KLHDC1: variants seen among roughly 807,000 people sequenced by gnomAD.
KLHDC1 encodes the protein kelch domain containing 1.
Under a neutral mutation model 68.3 loss-of-function variants are expected in KLHDC1, and 53 were observed. The observed-to-expected ratio is 0.78, with a 90% CI of 0.62 to 0.98. KLHDC1 has a LOEUF of 0.98. Among genes scored for constraint, KLHDC1 ranks in the 50% least tolerant of loss-of-function variants. KLHDC1 has a pLI of 0.00. For synonymous variants in KLHDC1, 148 were observed against 159.0 expected, an observed-to-expected ratio of 0.93 and a Z score of 0.52; for missense variants, 470 against 492.3, an observed-to-expected ratio of 0.95 and a Z score of 0.43.
rs763978890 is a variant in KLHDC1 at position 49,734,608 on chromosome 14, T to C, written c.843T>C (p.Asn281=). 5 of 1,595,404 alleles carry C rather than the reference T, an allele frequency of 3.1e-6. No individual in the cohort carries two copies. The highest frequency in any genetic ancestry group is 4.5e-5 in the East Asian group (2 of 44,114). The change falls in exon 10 of 13, where the codon AAT becomes AAC. Residue 281 remains asparagine, a synonymous_variant. Coordinates refer to ENST00000359332, the MANE Select transcript of KLHDC1 (RefSeq NM_172193.3). ...NIPLSDGWIH[N]VTTNCWKQLT... ...TTGCAGGTGATGGTTGGATTCATAA[T>C]GTCACAACAAATTGTTGGAAACAAC...
chr14:49,719,021 A>G (rs1036865288), intron 4 of KLHDC1, among the ~76,000 whole-genome samples: 4 of 151,596 alleles, frequency 2.6e-5, no homozygotes, highest in Non-Finnish European at 5.9e-5. Context: ...TCAAGTGATC[A>G]GCCTGCCTTG....
rs756419684 is a variant in KLHDC1 at position 49,729,042 on chromosome 14, G to T, written c.651+33G>T. On this transcript the variant is annotated intron_variant, in intron 7 of 12. Transcript: ENST00000359332. ...TTTTTAATGGAAATGGTATTTTTATGTGCAATGCTCCTTATAAAAATTTAT... is the reference window on the plus strand; with the variant it reads ...TTTTTAATGGAAATGGTATTTTTATTTGCAATGCTCCTTATAAAAATTTAT... 5.1e-6 allele frequency: 7 copies of T among 1,360,946 alleles called. No homozygotes were observed. The Admixed American group carries it at 8.5e-5, about 17-fold the overall frequency. 84.3% of individuals were successfully genotyped at this position (1,360,946 alleles called of 1,614,324 possible). A position where few individuals can be genotyped will look rare whatever the true frequency, so the allele number is the denominator to read the frequency against.
intron 2 of KLHDC1, among the ~76,000 whole-genome samples, 180 bp from the exon 3 acceptor site, chr14:49,709,529 A>G (rs1460550424): frequency 1.3e-5 from 2 of 149,332 alleles, no homozygotes; most frequent in Non-Finnish European, 3.0e-5. Flanking sequence ...TTTTTTTCCT[A>G]GCAGATTGAA....
At chr14:49,693,876 C>T (rs540515267) in intron 1 of KLHDC1, among the ~76,000 whole-genome samples, 1 of 151,102 alleles carries the variant, frequency 6.6e-6, no homozygotes, top group Non-Finnish European at 1.5e-5. Context: ...GCCTCAGCCT[C>T]CCTAGTAGCT....
Position 49,751,840 on chromosome 14 carries a change from A to G in KLHDC1, c.*68A>G, listed in dbSNP as rs1889328101. ...ATCAGACTATACATTTACACTCCCAAATTGCAGGCTTTATTTAAAGGATAA... is the reference window on the plus strand; with the variant it reads ...ATCAGACTATACATTTACACTCCCAGATTGCAGGCTTTATTTAAAGGATAA... On this transcript the variant is annotated 3_prime_UTR_variant, in exon 13 of 13. Transcript: ENST00000359332. The G allele has an allele frequency of 1.4e-6, 1 of 694,168 alleles. No individual in the cohort carries two copies. The highest frequency in any genetic ancestry group is 2.2e-6 in the Non-Finnish European group (1 of 462,640). 43.0% of individuals were successfully genotyped at this position (694,168 alleles called of 1,614,324 possible).
intron 5 of KLHDC1, among the ~76,000 whole-genome samples, chr14:49,724,869 T>C (rs1417827177): frequency 1.3e-5 from 2 of 150,632 alleles, no homozygotes. Context: ...GAGCTGGGTG[T>C]GGTGGCACAT....
chr14:49,741,466 C>T (rs1434973309), intron 11 of KLHDC1, among the ~76,000 whole-genome samples: 4 of 151,718 alleles, frequency 2.6e-5, no homozygotes, highest in African/African-American at 7.3e-5. Context: ...CCACAACGCC[C>T]GGCTAATTTT....
intron 10 of KLHDC1, among the ~76,000 whole-genome samples, chr14:49,735,280 G>A (rs4243561): frequency 0.91 from 138,340 of 151,924 alleles, 64,385 homozygotes; most frequent in East Asian, 1. Context: ...ATTGAATAGT[G>A]TAATAATATC....
intron 1 of KLHDC1, among the ~76,000 whole-genome samples, chr14:49,695,401 T>C (rs1315889315): frequency 6.7e-6 from 1 of 149,004 alleles, no homozygotes; most frequent in Non-Finnish European, 1.5e-5. Flanking sequence ...AAGATAAATC[T>C]TGTAGATCTC....
intron 4 of KLHDC1, among the ~76,000 whole-genome samples, chr14:49,713,829 TATATA>T (rs1888286035): frequency 0.01 from 100 of 9,964 alleles, 22 homozygotes; most frequent in Middle Eastern, 0.025. Flanking sequence ...TATATATATA[TATATA>T]TATATATATA....
At chr14:49,705,365 C>CTTT (rs59444333) in intron 1 of KLHDC1, among the ~76,000 whole-genome samples, 13 of 71,672 alleles carry the variant, frequency 1.8e-4, no homozygotes, top group African/African-American at 4.4e-4. Flanking sequence ...TTCTTTCTTT[C>CTTT]TTTTTTTTTT....
At chr14:49,701,197 A>G (rs1887896248) in intron 1 of KLHDC1, among the ~76,000 whole-genome samples, 1 of 152,218 alleles carries the variant, frequency 6.6e-6, no homozygotes. Flanking sequence ...ATGATCACTT[A>G]TGCAATAAAT....
At chr14:49,739,127 G>A (rs1039753118) in intron 10 of KLHDC1, among the ~76,000 whole-genome samples, 17 of 152,178 alleles carry the variant, frequency 1.1e-4, no homozygotes, top group African/African-American at 3.9e-4. Context: ...GTGGGTATTT[G>A]GAATACTTCC....
At chr14:49,743,502 T>G (rs1889119414) in intron 11 of KLHDC1, among the ~76,000 whole-genome samples, 1 of 151,704 alleles carries the variant, frequency 6.6e-6, no homozygotes, top group Admixed American at 6.6e-5. Context: ...TTATGTAGGC[T>G]ATTGGTTAGG....
chr14:49,703,204 TTGA>T (rs1887955533), intron 1 of KLHDC1, among the ~76,000 whole-genome samples: 1 of 152,088 alleles, frequency 6.6e-6, no homozygotes, highest in Admixed American at 6.6e-5. Flanking sequence ...TTATCCTGCA[TTGA>T]TTACATTGCT....
At chr14:49,741,692 G>A (rs1023659136) in intron 11 of KLHDC1, among the ~76,000 whole-genome samples, 2 of 152,110 alleles carry the variant, frequency 1.3e-5, no homozygotes, top group African/African-American at 4.8e-5. Flanking sequence ...TTTAAAATTT[G>A]ATAAAACTAA....
intron 10 of KLHDC1, among the ~76,000 whole-genome samples, chr14:49,738,460 C>A (rs1007107063): frequency 1.3e-5 from 2 of 151,858 alleles, no homozygotes; most frequent in African/African-American, 4.8e-5. Context: ...AGTTCTCCTG[C>A]CTCAGCCTTC....
chr14:49,721,832 C>T (rs1244975415), intron 4 of KLHDC1, among the ~76,000 whole-genome samples: 1 of 152,142 alleles, frequency 6.6e-6, no homozygotes, highest in Admixed American at 6.5e-5. Context: ...TCTCTGATCC[C>T]ACTTTATGCT....
rs1302354991 is a variant in KLHDC1, at chr14:49,693,732, ATTTTC to A, written c.96+452_96+456del. On this transcript the variant is annotated intron_variant, in intron 1 of 12. Coordinates refer to ENST00000359332, the MANE Select transcript of KLHDC1 (RefSeq NM_172193.3). ...AAATCACTGAAGCATTTAAATATTT[ATTTTC>A]TTTTCTTTTTCTTTTTTTTTTTTTT... Among the ~76,000 whole-genome samples the A allele has an allele frequency of 7.5e-3, 592 of 79,006 alleles. 6 individuals carry two copies. Among genetic ancestry groups the A allele is most frequent in the Admixed American group, 0.015 (122 of 8,350 alleles). The allele number at this position is 79,006 out of a possible 152,430, so 51.8% of individuals were successfully genotyped here.
Sources: gnomAD v4.1 joint callset for allele counts (sites outside exome capture counted in the v4.1 genomes callset) on GRCh38, gnomAD v4.1.1 for gene constraint, MANE v1.5 for transcripts, NCBI Gene and HGNC (gene_info 2026-07-23, HGNC 2026-07-21) for gene names.